DCLK2: variants seen among roughly 807,000 people sequenced by gnomAD.
The protein encoded by DCLK2 is serine/threonine-protein kinase DCLK2.
Under a neutral mutation model 78.4 loss-of-function variants are expected in DCLK2, and 31 were observed. The observed-to-expected ratio is 0.40, with a 90% confidence interval of 0.30 to 0.53. DCLK2 has a LOEUF of 0.53. Among genes scored for constraint, DCLK2 ranks in the 20% least tolerant of loss-of-function variants. The pLI is 0.61. For synonymous variants in DCLK2, 407 were observed against 374.9 expected (o/e 1.09, Z -0.99); for missense variants, 872 against 973.7 (o/e 0.90, Z 1.39).
chr4:150,190,053 G>GAAAAAAAAAAAAAAAAAAAAAAAA lies in DCLK2; in HGVS notation c.757-3085_757-3084insAAAAAAAAAAAAAAAAAAAAAAAA, dbSNP rs1378760105. On this transcript the variant is annotated intron_variant, in intron 2 of 15. Coordinates refer to ENST00000296550, the MANE Select transcript of DCLK2 (RefSeq NM_001040260.4). ...CTGTCTCAAAAAAAAAAAAAAAAAG[G>GAAAAAAAAAAAAAAAAAAAAAAAA]CCAAGTGTGGTGGCTGTGGTCCCAG... 9.3e-4 allele frequency among the ~76,000 whole-genome samples: 12 copies of GAAAAAAAAAAAAAAAAAAAAAAAA among 12,972 alleles called. 1 individual carries two copies. The highest frequency in any genetic ancestry group is 2.7e-3 in the South Asian group (1 of 372). The allele number at this position is 12,972 out of a possible 152,430, so 8.5% of individuals were successfully genotyped here. A position where few individuals can be genotyped will look rare whatever the true frequency, so the allele number is the denominator to read the frequency against.
intron 5 of DCLK2, among the ~76,000 whole-genome samples, chr4:150,216,566 G>A (rs1171072102): frequency 6.6e-6 from 1 of 152,158 alleles, no homozygotes; most frequent in East Asian, 1.9e-4. Context: ...TTGAACCCGG[G>A]AGGCGGAGGT....
chr4:150,084,047 G>A (rs535219722), intron 1 of DCLK2, among the ~76,000 whole-genome samples: 14 of 152,374 alleles, frequency 9.2e-5, no homozygotes, highest in Admixed American at 2.0e-4. Flanking sequence ...CATATTGGCC[G>A]GGGTGATGTG....
intron 2 of DCLK2, among the ~76,000 whole-genome samples, chr4:150,140,049 A>G (rs1734005375): frequency 6.6e-6 from 1 of 152,190 alleles, no homozygotes; most frequent in East Asian, 1.9e-4. Flanking sequence ...TCAAAATGAC[A>G]TAAAAATTTT....
chr4:150,240,260 T>C (rs1369353964), intron 11 of DCLK2, 139 bp from the exon 12 acceptor site: 10 of 736,004 alleles, frequency 1.4e-5, no homozygotes, highest in Non-Finnish European at 2.0e-5. Flanking sequence ...GTGTGATTCA[T>C]TCATCTCTAT....
chr4:150,110,970 A>C (rs1193635397), intron 2 of DCLK2, among the ~76,000 whole-genome samples: 3 of 152,200 alleles, frequency 2.0e-5, no homozygotes, highest in African/African-American at 7.2e-5. Context: ...TTTTTGATAT[A>C]ATGGCTTCTT....
intron 2 of DCLK2, among the ~76,000 whole-genome samples, chr4:150,127,360 A>G (rs923516048): frequency 1.3e-5 from 2 of 152,148 alleles, no homozygotes; most frequent in Non-Finnish European, 2.9e-5. Flanking sequence ...TTCCTTCTAC[A>G]TTTATTAACT....
At chr4:150,083,110 T>C (rs1437863297) in intron 1 of DCLK2, among the ~76,000 whole-genome samples, 1 of 152,172 alleles carries the variant, frequency 6.6e-6, no homozygotes, top group African/African-American at 2.4e-5. Flanking sequence ...GGGGTTATTG[T>C]TGGAGCATAT....
At chr4:150,151,249 T>A (rs539129698) in intron 2 of DCLK2, among the ~76,000 whole-genome samples, 2 of 152,354 alleles carry the variant, frequency 1.3e-5, no homozygotes, top group African/African-American at 4.8e-5. Context: ...AACTTTTATT[T>A]CTGGAAAGGG....
rs1282203002 is a variant in DCLK2, at chr4:150,210,962, AAG to A, written c.1056+7075_1056+7076del. On this transcript the variant is annotated intron_variant, in intron 5 of 15. Coordinates refer to ENST00000296550, the MANE Select transcript of DCLK2 (RefSeq NM_001040260.4). ...AGACTCTGTCTCAAAAAAAAAAAAA[AAG>A]AAAGAAAGAAAAAGGTTATCCCAAA... is the stretch of plus-strand genomic sequence containing the variant. Among the ~76,000 whole-genome samples the A allele has an allele frequency of 8.4e-4, 115 of 137,624 alleles. 6 individuals are homozygous for A. The highest frequency in any genetic ancestry group is 2.2e-3 in the African/African-American group (89 of 39,852). 90.3% of individuals were successfully genotyped at this position (137,624 alleles called of 152,430 possible).
intron 2 of DCLK2, among the ~76,000 whole-genome samples, chr4:150,140,251 A>G (rs764903743): frequency 2.0e-4 from 30 of 152,208 alleles, no homozygotes; most frequent in Non-Finnish European, 4.1e-4. Flanking sequence ...TGTTATTATG[A>G]TACCTTATTC....
At chr4:150,174,032 T>C (rs1265094823) in intron 2 of DCLK2, among the ~76,000 whole-genome samples, 1 of 152,132 alleles carries the variant, frequency 6.6e-6, no homozygotes, top group Non-Finnish European at 1.5e-5. Context: ...AAAACATGAA[T>C]TGCTAACAGT....
chr4:150,128,510 T>C (rs958653674), intron 2 of DCLK2, among the ~76,000 whole-genome samples: 2 of 152,184 alleles, frequency 1.3e-5, no homozygotes, highest in African/African-American at 4.8e-5. Flanking sequence ...ATTTGCATTT[T>C]AGAAAGTTTA....
At chr4:150,160,870 T>A (rs765852811) in intron 2 of DCLK2, among the ~76,000 whole-genome samples, 2 of 152,192 alleles carry the variant, frequency 1.3e-5, no homozygotes, top group Non-Finnish European at 2.9e-5. Flanking sequence ...ATTGGTGAGA[T>A]AATTAAAGCT....
chr4:150,200,911 G>A (rs957508726), intron 4 of DCLK2, among the ~76,000 whole-genome samples: 7 of 152,206 alleles, frequency 4.6e-5, no homozygotes, highest in African/African-American at 1.7e-4. Flanking sequence ...TCCGCCTCAG[G>A]AGTTCAAGCG....
chr4:150,095,691 A>G (rs1041660584), intron 1 of DCLK2, among the ~76,000 whole-genome samples: 1 of 152,226 alleles, frequency 6.6e-6, no homozygotes, highest in African/African-American at 2.4e-5. Context: ...AGATAATGCC[A>G]ACCTAAGTGA....
At chr4:150,180,890 G>C (rs1039353689) in intron 2 of DCLK2, among the ~76,000 whole-genome samples, 2 of 152,088 alleles carry the variant, frequency 1.3e-5, no homozygotes, top group Non-Finnish European at 2.9e-5. Flanking sequence ...GAAATTATCT[G>C]ACCTACCTTG....
chr4:150,199,561 C>A (rs1205437522), intron 4 of DCLK2, among the ~76,000 whole-genome samples: 4 of 152,172 alleles, frequency 2.6e-5, no homozygotes, highest in African/African-American at 9.7e-5. Flanking sequence ...CTTATACATA[C>A]AGGGAAGCAA....
chr4:150,138,221 C>G (rs1389804472), intron 2 of DCLK2, among the ~76,000 whole-genome samples: 5 of 152,178 alleles, frequency 3.3e-5, no homozygotes, highest in Non-Finnish European at 5.9e-5. Context: ...GCTTTGCAAC[C>G]CAACTACCTG....
chr4:150,203,668 T>C (rs1739622219), intron 4 of DCLK2, 127 bp from the exon 5 acceptor site: 1 of 590,270 alleles, frequency 1.7e-6, no homozygotes, highest in Admixed American at 3.2e-5. Flanking sequence ...ATTTGCCGTC[T>C]GCTTTGAGCT....
Sources: allele counts gnomAD v4.1 joint callset (sites outside exome capture counted in the v4.1 genomes callset), GRCh38; gene constraint gnomAD v4.1.1; transcripts MANE v1.5; gene names NCBI Gene and HGNC (gene_info 2026-07-23, HGNC 2026-07-21).